Variants in TTLL11 observed in about 807,000 individuals in gnomAD.
TTLL11 encodes tubulin polyglutamylase TTLL11.
Under a neutral mutation model 51.7 loss-of-function variants are expected in TTLL11, and 42 were observed. The observed-to-expected ratio is 0.81, with a 90% CI of 0.64 to 1.05. The LOEUF (loss-of-function observed/expected upper bound fraction) is 1.05. Among genes scored for constraint, TTLL11 ranks in the 50% least tolerant of loss-of-function variants. The pLI is 0.00. For synonymous variants in TTLL11, 381 were observed against 383.5 expected, an observed-to-expected ratio of 0.99 and a Z score of 0.08; for missense variants, 799 against 940.4, an observed-to-expected ratio of 0.85 and a Z score of 1.97.
chr9:121,926,881 C>T (rs575514885), intron 6 of TTLL11, among the ~76,000 whole-genome samples: 10 of 152,290 alleles, frequency 6.6e-5, no homozygotes, highest in Middle Eastern at 3.4e-3. Flanking sequence ...GCTGGAAGTC[C>T]GAGCTCACAG....
intron 6 of TTLL11, among the ~76,000 whole-genome samples, chr9:121,894,141 T>C (rs774462362): frequency 1.3e-5 from 2 of 152,126 alleles, no homozygotes; most frequent in Non-Finnish European, 1.5e-5. Context: ...ACGGGGTCTA[T>C]AAAATAAATG....
Position 121,831,905 on chromosome 9 carries a change from T to C in TTLL11, c.1841-9026A>G, listed in dbSNP as rs1156817959. 8.5e-5 allele frequency among the ~76,000 whole-genome samples: 13 copies of C among 152,116 alleles called. No individual in the cohort carries two copies. The South Asian group carries it at 2.7e-3, about 32-fold the overall frequency. ...CAACAGAAATTTACTTTCACAGTCC[T>C]GGAGGCTGAAAGTCTGAGATTGGGG... is the stretch of plus-strand genomic sequence containing the variant. On this transcript the variant is annotated intron_variant, in intron 8 of 8. Coordinates refer to ENST00000321582, the MANE Select transcript of TTLL11 (RefSeq NM_001139442.2).
At chr9:122,011,394 T>C (rs915603550) in intron 3 of TTLL11, among the ~76,000 whole-genome samples, 18 of 152,124 alleles carry the variant, frequency 1.2e-4, no homozygotes, top group African/African-American at 4.1e-4. Flanking sequence ...ATGTGAGAAT[T>C]AAATAAGAAA....
At chr9:122,002,141 C>CA (rs900109439) in intron 3 of TTLL11, among the ~76,000 whole-genome samples, 1 of 152,226 alleles carries the variant, frequency 6.6e-6, no homozygotes, top group African/African-American at 2.4e-5. Flanking sequence ...GCTAAGCCCC[C>CA]TCTCATGGGC....
At chr9:122,034,658 C>T (rs1211186908) in intron 2 of TTLL11, among the ~76,000 whole-genome samples, 1 of 152,174 alleles carries the variant, frequency 6.6e-6, no homozygotes, top group Admixed American at 6.5e-5. Context: ...CTGGCATCTC[C>T]ACCTCTGGAG....
intron 1 of TTLL11, among the ~76,000 whole-genome samples, chr9:122,054,719 A>C (rs10513388): frequency 0.089 from 13,511 of 152,238 alleles, 839 homozygotes; most frequent in African/African-American, 0.15. Flanking sequence ...AATTATCAAC[A>C]GTAATCTCCC....
At chr9:122,015,608 G>A (rs1246486959) in intron 3 of TTLL11, among the ~76,000 whole-genome samples, 3 of 152,164 alleles carry the variant, frequency 2.0e-5, no homozygotes, top group Admixed American at 6.5e-5. Context: ...GTGTGAGGGC[G>A]ATGTGTGTGG....
chr9:121,868,230 G>A (rs901037217), intron 7 of TTLL11, among the ~76,000 whole-genome samples: 39 of 152,246 alleles, frequency 2.6e-4, no homozygotes, highest in African/African-American at 8.9e-4. Context: ...TGCCCTAAGT[G>A]CCCTCATGAC....
At chr9:121,835,952 A>C (rs1837168420) in intron 8 of TTLL11, among the ~76,000 whole-genome samples, 1 of 152,214 alleles carries the variant, frequency 6.6e-6, no homozygotes, top group Admixed American at 6.5e-5. Context: ...CTGGCTTAAA[A>C]AGGACTTCAG....
chr9:121,952,404 C>T (rs1841878047), intron 6 of TTLL11, among the ~76,000 whole-genome samples: 2 of 148,418 alleles, frequency 1.3e-5, no homozygotes, highest in East Asian at 4.0e-4. Flanking sequence ...CGAGATCACG[C>T]CACTGCACTC....
At chr9:121,886,322 AAG>A (rs1243964906) in intron 6 of TTLL11, among the ~76,000 whole-genome samples, 2 of 152,192 alleles carry the variant, frequency 1.3e-5, no homozygotes, top group Non-Finnish European at 1.5e-5. Context: ...TTTGGAAAAA[AAG>A]AGTCTTTGCA....
At chr9:122,092,510 A>AT (rs1564394921) in intron 1 of TTLL11, among the ~76,000 whole-genome samples, 177 bp downstream of exon 1, 1 of 152,062 alleles carries the variant, frequency 6.6e-6, no homozygotes, top group Non-Finnish European at 1.5e-5. Context: ...GGAGGAAGTG[A>AT]TTTTGGGGGG....
chr9:121,908,116 T>G (rs1840003780), intron 6 of TTLL11, among the ~76,000 whole-genome samples: 1 of 152,108 alleles, frequency 6.6e-6, no homozygotes, highest in Non-Finnish European at 1.5e-5. Context: ...ATAAAGAATG[T>G]GGAATGCATA....
chr9:122,031,365 C>T (rs988708756), intron 3 of TTLL11, among the ~76,000 whole-genome samples: 6 of 152,176 alleles, frequency 3.9e-5, no homozygotes, highest in Non-Finnish European at 5.9e-5. Flanking sequence ...AGGAAGCCGG[C>T]GAGGCCACGG....
chr9:121,934,824 A>G (rs1376187108), intron 6 of TTLL11, among the ~76,000 whole-genome samples: 2 of 152,220 alleles, frequency 1.3e-5, no homozygotes, highest in African/African-American at 4.8e-5. Context: ...TTAATTTAAA[A>G]AAAGGTTTTT....
intron 7 of TTLL11, among the ~76,000 whole-genome samples, chr9:121,868,126 TC>T (rs1838236927): frequency 6.6e-6 from 1 of 152,050 alleles, no homozygotes; most frequent in Non-Finnish European, 1.5e-5. Flanking sequence ...CTGCCTTTGC[TC>T]CAAAGATCTG....
At chr9:121,983,865 T>C (rs1042855137) in intron 4 of TTLL11, among the ~76,000 whole-genome samples, 1 of 152,068 alleles carries the variant, frequency 6.6e-6, no homozygotes, top group African/African-American at 2.4e-5. Flanking sequence ...CCATACTAGC[T>C]CAGGGCTTGT....
intron 6 of TTLL11, among the ~76,000 whole-genome samples, chr9:121,973,162 T>C (rs942242603): frequency 6.6e-6 from 1 of 152,170 alleles, no homozygotes; most frequent in Admixed American, 6.5e-5. Context: ...GGTGATTTCA[T>C]GGAGGGAGGG....
At chr9:121,994,031 G>T (rs139054747) in intron 3 of TTLL11, among the ~76,000 whole-genome samples, 127 of 152,282 alleles carry the variant, frequency 8.3e-4, no homozygotes, top group Middle Eastern at 3.4e-3. Context: ...CAGCCTCAGG[G>T]ATATGAGCCT....
Sources: allele counts gnomAD v4.1 joint callset (sites outside exome capture counted in the v4.1 genomes callset), GRCh38; gene constraint gnomAD v4.1.1; transcripts MANE v1.5; gene names NCBI Gene and HGNC (gene_info 2026-07-23, HGNC 2026-07-21).